PRKG1: variants seen among roughly 807,000 people sequenced by gnomAD.
PRKG1 encodes the protein cGMP-dependent protein kinase 1.
PRKG1 carries 35 observed loss-of-function variants against 88.1 expected under a neutral mutation model. The observed-to-expected ratio is 0.40, with a 90% confidence interval of 0.30 to 0.53. The LOEUF (loss-of-function observed/expected upper bound fraction) is 0.53. Among genes scored for constraint, PRKG1 ranks in the 20% least tolerant of loss-of-function variants. The pLI is 0.59. For synonymous variants in PRKG1, 303 were observed against 292.5 expected, an observed-to-expected ratio of 1.04 and a Z score of -0.37; for missense variants, 540 against 839.8, an observed-to-expected ratio of 0.64 and a Z score of 4.41.
intron 2 of PRKG1, among the ~76,000 whole-genome samples, chr10:51,236,311 AT>A (rs1838986692): frequency 6.6e-6 from 1 of 152,050 alleles, no homozygotes; most frequent in African/African-American, 2.4e-5. Context: ...TTCAAATGCC[AT>A]TTTATATTAT....
At chr10:51,692,093 T>C (rs1564608695) in intron 3 of PRKG1, among the ~76,000 whole-genome samples, 1 of 152,206 alleles carries the variant, frequency 6.6e-6, no homozygotes, top group Non-Finnish European at 1.5e-5. Flanking sequence ...TACTCTCCCA[T>C]ACAAGGTTTG....
intron 2 of PRKG1, among the ~76,000 whole-genome samples, chr10:51,216,737 G>T (rs1350893931): frequency 1.3e-5 from 2 of 152,148 alleles, no homozygotes; most frequent in Admixed American, 6.5e-5. Flanking sequence ...GAATGGAAAG[G>T]TAGGAATTCT....
Position 51,314,525 on chromosome 10 carries a change from A to G in PRKG1, c.479-153198A>G, listed in dbSNP as rs74133572. Among the ~76,000 whole-genome samples, 1,455 of 152,244 alleles carry G rather than the reference A, an allele frequency of 9.6e-3. 27 individuals are homozygous for G. Among genetic ancestry groups the G allele is most frequent in the African/African-American group, 0.032 (1,344 of 41,542 alleles). On this transcript the variant is annotated intron_variant, in intron 2 of 17. Coordinates refer to ENST00000373980, the MANE Select transcript of PRKG1 (RefSeq NM_006258.4). ...ATTACTAAGCAGTACAGTAACAATT[A>G]TGTGGATGATGAAATACACATCAGA...
intron 9 of PRKG1, among the ~76,000 whole-genome samples, chr10:52,214,768 G>GT (rs1391471870): frequency 6.6e-6 from 1 of 152,058 alleles, no homozygotes; most frequent in Non-Finnish European, 1.5e-5. Context: ...TGATACAAAT[G>GT]TAATGAGGAA....
chr10:51,434,297 C>A (rs1838859858), intron 2 of PRKG1, among the ~76,000 whole-genome samples: 1 of 152,072 alleles, frequency 6.6e-6, no homozygotes, highest in Non-Finnish European at 1.5e-5. Flanking sequence ...CTGTATCTGC[C>A]AGTTCATCAT....
At chr10:51,223,776 C>G (rs1838615383) in intron 2 of PRKG1, among the ~76,000 whole-genome samples, 1 of 152,016 alleles carries the variant, frequency 6.6e-6, no homozygotes, top group Non-Finnish European at 1.5e-5. Flanking sequence ...AATGATAAAG[C>G]CTTAAAAGTA....
At chr10:51,892,262 T>C (rs1230988902) in intron 4 of PRKG1, among the ~76,000 whole-genome samples, 1 of 152,198 alleles carries the variant, frequency 6.6e-6, no homozygotes, top group African/African-American at 2.4e-5. Context: ...CTTTAATAAG[T>C]CATGTAGTAA....
At chr10:51,246,259 G>A (rs1029053381) in intron 2 of PRKG1, among the ~76,000 whole-genome samples, 5 of 152,006 alleles carry the variant, frequency 3.3e-5, no homozygotes, top group African/African-American at 1.2e-4. Flanking sequence ...TCCAAAGTGA[G>A]GTGGAAAAGG....
intron 1 of PRKG1, among the ~76,000 whole-genome samples, chr10:51,102,150 G>A (rs1844702560): frequency 6.6e-6 from 1 of 152,124 alleles, no homozygotes; most frequent in Admixed American, 6.6e-5. Flanking sequence ...ATATGCAAGT[G>A]ACCTCAAAAG....
rs1324737555 is a variant in PRKG1 at position 51,903,968 on chromosome 10, AT to A, written c.699-3538del. Among the ~76,000 whole-genome samples, 8 of 152,258 alleles carry A rather than the reference AT, an allele frequency of 5.3e-5. No individual in the cohort carries two copies. In the East Asian group the frequency reaches 1.4e-3, roughly 26 times the overall value. Reference sequence around the variant, plus strand: ...TTGTTGTAAAAATGAAATTTATATTATCTATAAAACCCTTAGCTCAGTGCCT... The same window carrying A: ...TTGTTGTAAAAATGAAATTTATATTACTATAAAACCCTTAGCTCAGTGCCT... On this transcript the variant is annotated intron_variant, in intron 4 of 17. Transcript: ENST00000373980.
chr10:51,697,771 C>T (rs780808091), intron 3 of PRKG1: 2 of 1,614,188 alleles, frequency 1.2e-6, no homozygotes, highest in East Asian at 4.5e-5. Flanking sequence ...CAGGGGGCAG[C>T]ATGGCAATCT....
At chr10:51,686,370 C>T (rs187916833) in intron 3 of PRKG1, among the ~76,000 whole-genome samples, 1 of 152,210 alleles carries the variant, frequency 6.6e-6, no homozygotes, top group Admixed American at 6.5e-5. Flanking sequence ...GTTCGGCTCC[C>T]CCTTATAAGT....
In PRKG1 at chr10:51,543,979, G is replaced by C. The variant is rs115112019; in HGVS notation, c.592+76143G>C. Among the ~76,000 whole-genome samples the C allele has an allele frequency of 2.3e-3, 354 of 152,210 alleles. 4 individuals are homozygous for C. The highest frequency in any genetic ancestry group is 8.3e-3 in the African/African-American group (346 of 41,532). ...AAACAATTATTCTGGGTTATGAATGGTGACAATCTAGCCACATGTTCTTCA... is the reference window on the plus strand; with the variant it reads ...AAACAATTATTCTGGGTTATGAATGCTGACAATCTAGCCACATGTTCTTCA... On this transcript the variant is annotated intron_variant, in intron 3 of 17. Coordinates refer to ENST00000373980, the MANE Select transcript of PRKG1 (RefSeq NM_006258.4).
rs376633539 is a variant in PRKG1 at position 52,123,589 on chromosome 10, A to AC, written c.936-10250dup. Among the ~76,000 whole-genome samples the AC allele has an allele frequency of 3.2e-3, 494 of 152,266 alleles. 3 individuals are homozygous for AC. The highest frequency in any genetic ancestry group is 0.011 in the African/African-American group (446 of 41,576). On this transcript the variant is annotated intron_variant, in intron 7 of 17. Transcript: ENST00000373980. ...ATTTTACATTGTAGGATTTTTAAGG[A>AC]CAGAGATCATATTTTCTGTTTAGAA...
At chr10:51,460,771 T>C (rs1839724305) in intron 2 of PRKG1, among the ~76,000 whole-genome samples, 1 of 152,198 alleles carries the variant, frequency 6.6e-6, no homozygotes, top group Non-Finnish European at 1.5e-5. Flanking sequence ...GTTTAGTATG[T>C]TCTCTTTTCC....
intron 3 of PRKG1, among the ~76,000 whole-genome samples, chr10:51,641,255 A>G (rs1839792790): frequency 6.6e-6 from 1 of 152,120 alleles, no homozygotes; most frequent in Non-Finnish European, 1.5e-5. Context: ...TCAAGAGTTC[A>G]TGAGTGGAGA....
At chr10:52,219,253 T>G (rs1344198559) in intron 9 of PRKG1, among the ~76,000 whole-genome samples, 1 of 152,016 alleles carries the variant, frequency 6.6e-6, no homozygotes, top group Non-Finnish European at 1.5e-5. Context: ...CATAGGAAAA[T>G]AAAATAAAGA....
intron 2 of PRKG1, among the ~76,000 whole-genome samples, chr10:51,364,066 G>A (rs1272726650): frequency 6.6e-6 from 1 of 151,954 alleles, no homozygotes; most frequent in Non-Finnish European, 1.5e-5. Flanking sequence ...AAACTGGCAG[G>A]ACATGCTCAG....
intron 2 of PRKG1, among the ~76,000 whole-genome samples, chr10:51,187,641 T>C (rs971055965): frequency 1.2e-4 from 18 of 152,010 alleles, no homozygotes; most frequent in African/African-American, 3.6e-4. Flanking sequence ...CATGCCTCAG[T>C]GATGGGTCTA....
Sources: allele counts gnomAD v4.1 joint callset (sites outside exome capture counted in the v4.1 genomes callset), GRCh38; gene constraint gnomAD v4.1.1; transcripts MANE v1.5; gene names NCBI Gene and HGNC (gene_info 2026-07-23, HGNC 2026-07-21).